The following PPP6R2 variants were observed in gnomAD, a reference collection of about 807,000 sequenced individuals.
The protein encoded by PPP6R2 is serine/threonine-protein phosphatase 6 regulatory subunit 2.
In PPP6R2, 62 loss-of-function variants were observed where a neutral mutation model predicts 100.2. The observed-to-expected ratio is 0.62, with a 90% CI of 0.50 to 0.76. The LOEUF (loss-of-function observed/expected upper bound fraction) is 0.76, where lower values mean the gene tolerates loss of function less well. Among genes scored for constraint, PPP6R2 ranks in the 30% least tolerant of loss-of-function variants. The pLI is 0.00. For missense variants in PPP6R2, 1,142 were observed against 1,276.3 expected, an observed-to-expected ratio of 0.89 and a Z score of 1.60; for synonymous variants, 525 against 514.7, an observed-to-expected ratio of 1.02 and a Z score of -0.27.
chr22:50,431,504 AG>A lies in PPP6R2; in HGVS notation c.1335+125del, dbSNP rs2063137474. ...CTGACACGGGGGCAGGGCTTTGAAA[AG>A]GGTCCCCAGGTGTCTGGTCAGACGC... On this transcript the variant is annotated intron_variant, in intron 11 of 23. Coordinates refer to ENST00000612753, the MANE Select transcript of PPP6R2 (RefSeq NM_001242898.2). The surrounding 1 kb of genome is among the most constrained non-coding windows in gnomAD (Gnocchi z 4.8). 1.2e-6 allele frequency: 1 copy of A among 857,100 alleles called. No individual in the cohort carries two copies. Among genetic ancestry groups the A allele is most frequent in the Non-Finnish European group, 1.8e-6 (1 of 560,890 alleles). The allele number at this position is 857,100 out of a possible 1,614,324, so 53.1% of individuals were successfully genotyped here. A position where few individuals can be genotyped will look rare whatever the true frequency, so the allele number is the denominator to read the frequency against.
intron 1 of PPP6R2, among the ~76,000 whole-genome samples, chr22:50,367,774 G>A (rs2049056703): frequency 1.3e-5 from 2 of 152,108 alleles, no homozygotes; most frequent in South Asian, 4.1e-4. Context: ...TTTTCTCTTT[G>A]TGTGCGGAGA....
chr22:50,423,160 T>A lies in PPP6R2; in HGVS notation c.973-302T>A. The stretch of plus-strand genomic sequence containing the variant: ...GGCTCTGGCCTTAGACCGGTACTGC[T>A]GGCCCCATCTTGGACATCTCACCCG... On this transcript the variant is annotated intron_variant, in intron 9 of 23. Coordinates refer to ENST00000612753, the MANE Select transcript of PPP6R2 (RefSeq NM_001242898.2). This position sits in a 1 kb window ranked among gnomAD's most constrained non-coding sequence, Gnocchi z 4.8. 6.6e-6 allele frequency among the ~76,000 whole-genome samples: 1 copy of A among 152,168 alleles called. No homozygotes were observed.
chr22:50,376,550 G>C (rs2051599943), intron 2 of PPP6R2, among the ~76,000 whole-genome samples: 1 of 151,994 alleles, frequency 6.6e-6, no homozygotes, highest in South Asian at 2.1e-4. Flanking sequence ...AGCCTTCTGA[G>C]TGGCTGGGAC....
chr22:50,438,824 C>T, intron 19 of PPP6R2, 62 bp downstream of exon 19: 1 of 1,478,658 alleles, frequency 6.8e-7, no homozygotes, highest in Non-Finnish European at 9.1e-7. Context: ...GTACCCCGGC[C>T]TGGGTGTTGT....
chr22:50,367,375 C>T (rs2048976748), intron 1 of PPP6R2, among the ~76,000 whole-genome samples: 1 of 152,110 alleles, frequency 6.6e-6, no homozygotes, highest in South Asian at 2.1e-4. Context: ...GAAGTCTGCC[C>T]TCCTGAGACA....
In PPP6R2 at chr22:50,418,941, G is replaced by T. The variant is rs765176333; in HGVS notation, c.693G>T (p.Glu231Asp). The T allele has an allele frequency of 1.2e-6, 2 of 1,613,986 alleles. No homozygotes were observed. Among genetic ancestry groups the T allele is most frequent in the Non-Finnish European group, 1.7e-6 (2 of 1,179,882 alleles). The change falls in exon 7 of 24, where the codon GAG becomes GAT. Residue 231 changes from glutamate (E) to aspartate (D), a missense_variant. This residue lies in a region of PPP6R2 where 592 missense variants were observed against 758.9 expected (regional missense o/e 0.78). Transcript: ENST00000612753. ...LGRDQGSQLQ[E>D]ALEPDPLLTA... Reference sequence around the variant, plus strand: ...GAGACCAGGGCAGTCAGCTGCAAGAGGCTCTGGAGCCAGACCCGCTCCTCA... The same window carrying T: ...GAGACCAGGGCAGTCAGCTGCAAGATGCTCTGGAGCCAGACCCGCTCCTCA...
In PPP6R2 at chr22:50,423,694, C is replaced by G; in HGVS notation, c.1125+80C>G. The G allele has an allele frequency of 6.5e-7, 1 of 1,534,036 alleles. No individual in the cohort carries two copies. The highest frequency in any genetic ancestry group is 8.9e-7 in the Non-Finnish European group (1 of 1,123,094). On this transcript the variant is annotated intron_variant, in intron 10 of 23. Coordinates refer to ENST00000612753, the MANE Select transcript of PPP6R2 (RefSeq NM_001242898.2). The surrounding 1 kb of genome is among the most constrained non-coding windows in gnomAD (Gnocchi z 4.8). The stretch of plus-strand genomic sequence containing the variant: ...TGTGGACTTGTCAGGAGCAGCAGAG[C>G]AGGGCCCCAGCATTTGGACAAAGCT...
chr22:50,339,512 GTGTGTGTGGTATGT>G (rs2042344312), upstream of PPP6R2, among the ~76,000 whole-genome samples: 1 of 135,758 alleles, frequency 7.4e-6, no homozygotes. Context: ...TGTGTGTGTG[GTGTGTGTGGTATGT>G]GGTGTGTGGT....
chr22:50,394,221 G>A (rs1345721397), intron 3 of PPP6R2, 86 bp downstream of exon 3: 22 of 1,547,142 alleles, frequency 1.4e-5, no homozygotes, highest in Admixed American at 9.6e-5. Flanking sequence ...CCATAGTTGG[G>A]GATTTCTGAT....
At chr22:50,359,456 A>G (rs1755714925) in intron 1 of PPP6R2, among the ~76,000 whole-genome samples, 2 of 151,830 alleles carry the variant, frequency 1.3e-5, no homozygotes, top group South Asian at 4.2e-4. Flanking sequence ...TGACCTTGTG[A>G]TCTGCCCGCC....
In PPP6R2 at chr22:50,416,857, G is replaced by A. The variant is rs1370452013; in HGVS notation, c.618+700G>A. On this transcript the variant is annotated intron_variant, in intron 6 of 23. Coordinates refer to ENST00000612753, the MANE Select transcript of PPP6R2 (RefSeq NM_001242898.2). ...TGTAATCCCAGCCACTCAGGAAGCT[G>A]AGGCACAAGAATCACTTGAACCCAG... Among the ~76,000 whole-genome samples the A allele has an allele frequency of 2.0e-5, 3 of 151,754 alleles. No individual in the cohort carries two copies. The East Asian group carries it at 5.9e-4, about 30-fold the overall frequency.
At chr22:50,332,325 T>A in the PPP6R2 span, among the ~76,000 whole-genome samples, 1 of 151,654 alleles carries the variant, frequency 6.6e-6, no homozygotes, top group Non-Finnish European at 1.5e-5. Flanking sequence ...CCTCCCAGGT[T>A]CACCCCCCCA....
intron 12 of PPP6R2, 70 bp downstream of exon 12, chr22:50,432,399 GC>G: frequency 1.4e-6 from 2 of 1,406,834 alleles, no homozygotes; most frequent in East Asian, 5.0e-5. Context: ...CCTCACCCAA[GC>G]CCTGGTGACG....
intron 3 of PPP6R2, among the ~76,000 whole-genome samples, chr22:50,404,597 TTG>T (rs1231777591): frequency 3.0e-5 from 4 of 135,580 alleles, no homozygotes; most frequent in Non-Finnish European, 6.2e-5. Flanking sequence ...TCTTTCTTTC[TTG>T]TTTTTTTTTT....
At chr22:50,384,120 A>T (rs1298418069) in intron 2 of PPP6R2, among the ~76,000 whole-genome samples, 1 of 151,962 alleles carries the variant, frequency 6.6e-6, no homozygotes, top group Non-Finnish European at 1.5e-5. Context: ...TCATTTAGTA[A>T]ATTCAAGTAT....
intron 10 of PPP6R2, among the ~76,000 whole-genome samples, chr22:50,426,232 C>T (rs2062106735): frequency 1.3e-5 from 2 of 152,302 alleles, no homozygotes; most frequent in African/African-American, 4.8e-5. Context: ...GAATTATAGG[C>T]GTGAGCCACC....
intron 2 of PPP6R2, among the ~76,000 whole-genome samples, chr22:50,380,127 T>G (rs2052532955): frequency 6.6e-6 from 1 of 152,090 alleles, no homozygotes. Context: ...TCAGGCTGCT[T>G]CCGCTCATGG....
intron 3 of PPP6R2, among the ~76,000 whole-genome samples, chr22:50,403,908 C>T (rs1245130332): frequency 6.6e-6 from 1 of 152,142 alleles, no homozygotes; most frequent in East Asian, 1.9e-4. Context: ...TATAGAGTCT[C>T]TCAAACCCTG....
intron 9 of PPP6R2, among the ~76,000 whole-genome samples, chr22:50,422,624 A>G (rs2061484421): frequency 1.3e-5 from 2 of 152,168 alleles, no homozygotes; most frequent in Non-Finnish European, 2.9e-5. Flanking sequence ...CGAGGTCACC[A>G]TAAGCCTGGC....
Sources: gnomAD v4.1 joint callset for allele counts (sites outside exome capture counted in the v4.1 genomes callset) on GRCh38, gnomAD v4.1.1 for gene constraint, gnomAD v4.1.1 regional missense constraint, Gnocchi (gnomAD v3.1) non-coding constraint, MANE v1.5 for transcripts, NCBI Gene and HGNC (gene_info 2026-07-23, HGNC 2026-07-21) for gene names.